The following AFAP1 variants were observed in gnomAD, a reference collection of about 807,000 sequenced individuals.
AFAP1 encodes actin filament associated protein 1.
Under a neutral mutation model 93.9 loss-of-function variants are expected in AFAP1, and 75 were observed. The observed-to-expected ratio is 0.80, with a 90% CI of 0.66 to 0.97. AFAP1 has a LOEUF of 0.97. AFAP1 is among the 50% of genes least tolerant of loss of function. The pLI, the probability that AFAP1 is intolerant of heterozygous loss-of-function variation, is 0.00. For synonymous variants in AFAP1, 517 were observed against 430.7 expected (o/e 1.20, Z -2.48); for missense variants, 1,201 against 1,050.8 (o/e 1.14, Z -1.98).
At chr4:7,878,047 T>C (rs1332748875) in intron 1 of AFAP1, among the ~76,000 whole-genome samples, 1 of 152,164 alleles carries the variant, frequency 6.6e-6, no homozygotes, top group African/African-American at 2.4e-5. Flanking sequence ...GGGCATGGCG[T>C]ACCAAAATCT....
chr4:7,864,258 C>T (rs140158495), intron 3 of AFAP1, among the ~76,000 whole-genome samples: 1 of 152,150 alleles, frequency 6.6e-6, no homozygotes, highest in South Asian at 2.1e-4. Context: ...GGCAGAGCTA[C>T]CTGCAACGCT....
At chr4:7,891,074 A>T (rs996676068) in intron 1 of AFAP1, among the ~76,000 whole-genome samples, 1 of 152,252 alleles carries the variant, frequency 6.6e-6, no homozygotes, top group Non-Finnish European at 1.5e-5. Flanking sequence ...TTTCAGCAAG[A>T]AAAATAAATT....
rs866108617 is a variant in AFAP1 at position 7,854,305 on chromosome 4, G to A, written c.334+1161C>T. Reference sequence around the variant, plus strand: ...CTTTTCTCATCCAGAGCACAACTAAGTATTGACATTTGGCCCAGTCTGTGC... The same window carrying A: ...CTTTTCTCATCCAGAGCACAACTAAATATTGACATTTGGCCCAGTCTGTGC... On this transcript the variant is annotated intron_variant, in intron 4 of 17. Transcript: ENST00000420658. 2.6e-4 allele frequency among the ~76,000 whole-genome samples: 40 copies of A among 152,036 alleles called. No individual in the cohort carries two copies. In the Middle Eastern group the frequency reaches 0.01, roughly 39 times the overall value.
At chr4:7,908,896 G>C (rs2149223969) in intron 1 of AFAP1, among the ~76,000 whole-genome samples, 1 of 150,154 alleles carries the variant, frequency 6.7e-6, no homozygotes, top group South Asian at 2.2e-4. Context: ...GGTGCACATA[G>C]CCACGTGCTT....
chr4:7,843,399 G>C, intron 4 of AFAP1, 49 bp from the exon 5 acceptor site: 1 of 1,517,264 alleles, frequency 6.6e-7, no homozygotes, highest in Non-Finnish European at 8.9e-7. Context: ...TTACCTTGAA[G>C]TTTACCCGTG....
At chr4:7,829,474 C>T (rs1020109336) in intron 6 of AFAP1, among the ~76,000 whole-genome samples, 2 of 152,190 alleles carry the variant, frequency 1.3e-5, no homozygotes, top group Non-Finnish European at 2.9e-5. Context: ...TAGTTATTAC[C>T]AAACCTGGCT....
At chr4:7,764,658 G>A (rs961881593) in intron 17 of AFAP1, among the ~76,000 whole-genome samples, 7 of 152,236 alleles carry the variant, frequency 4.6e-5, no homozygotes, top group African/African-American at 1.7e-4. Context: ...CACAGGCCCT[G>A]AGTGCTGGCT....
intron 4 of AFAP1, among the ~76,000 whole-genome samples, chr4:7,847,622 A>G (rs1025630998): frequency 3.9e-5 from 6 of 152,212 alleles, no homozygotes; most frequent in Admixed American, 3.3e-4. Context: ...CACCGTCTGG[A>G]GGCCTGGGGT....
At chr4:7,918,795 A>G (rs1227006098) in intron 1 of AFAP1, among the ~76,000 whole-genome samples, 1 of 126,040 alleles carries the variant, frequency 7.9e-6, no homozygotes, top group African/African-American at 3.5e-5. Flanking sequence ...TCACCAGGAA[A>G]CAGGGCTGTT....
At chr4:7,837,487 G>A (rs1250130942) in intron 6 of AFAP1, among the ~76,000 whole-genome samples, 3 of 152,106 alleles carry the variant, frequency 2.0e-5, no homozygotes, top group African/African-American at 7.2e-5. Context: ...TGAATAGAAC[G>A]GTCCCTTGAT....
At chr4:7,850,025 C>T (rs1480391841) in intron 4 of AFAP1, among the ~76,000 whole-genome samples, 1 of 152,026 alleles carries the variant, frequency 6.6e-6, no homozygotes, top group African/African-American at 2.4e-5. Context: ...AGCCCTCAGA[C>T]GAACTTTGGC....
intron 1 of AFAP1, among the ~76,000 whole-genome samples, chr4:7,913,171 T>C (rs998095087): frequency 3.9e-5 from 6 of 152,142 alleles, no homozygotes; most frequent in African/African-American, 1.2e-4. Context: ...GGAGAATCAC[T>C]TGAACCCAGG....
Position 7,772,656 on chromosome 4 carries a change from G to A in AFAP1, c.2253+164C>T, listed in dbSNP as rs147146897. The A allele has an allele frequency of 3.9e-4, 246 of 632,882 alleles. 1 individual carries two copies. The African/African-American group carries it at 3.9e-3, about 10-fold the overall frequency. The allele number at this position is 632,882 out of a possible 1,614,324, so 39.2% of individuals were successfully genotyped here. ...GCATGTCAGGAACACAGGCCCGGCC[G>A]ATGAAAGTGTCTGATGCTAACACAT... is the stretch of plus-strand genomic sequence containing the variant. On this transcript the variant is annotated intron_variant, in intron 16 of 17. Transcript: ENST00000420658.
chr4:7,812,620 G>A (rs1175941945), intron 8 of AFAP1, among the ~76,000 whole-genome samples: 2 of 152,154 alleles, frequency 1.3e-5, no homozygotes, highest in Non-Finnish European at 2.9e-5. Flanking sequence ...GCCCCCTGCA[G>A]CTAGAGGGTA....
intron 1 of AFAP1, among the ~76,000 whole-genome samples, chr4:7,927,401 A>G (rs1007472391): frequency 2.0e-5 from 3 of 152,234 alleles, no homozygotes; most frequent in African/African-American, 7.2e-5. Flanking sequence ...TTCGCTGTAA[A>G]AGGATCACAA....
chr4:7,768,379 G>A (rs1021752150), intron 17 of AFAP1, among the ~76,000 whole-genome samples: 8 of 152,224 alleles, frequency 5.3e-5, no homozygotes, highest in African/African-American at 1.4e-4. Flanking sequence ...AGGTTCCTCC[G>A]AGGCCCTCAG....
At chr4:7,833,650 G>A (rs1335312381) in intron 6 of AFAP1, among the ~76,000 whole-genome samples, 1 of 149,450 alleles carries the variant, frequency 6.7e-6, no homozygotes, top group African/African-American at 2.5e-5. Flanking sequence ...GTGCAGTGGT[G>A]CAATCTTGGC....
chr4:7,891,633 T>C (rs1718477485), intron 1 of AFAP1, among the ~76,000 whole-genome samples: 1 of 149,884 alleles, frequency 6.7e-6, no homozygotes, highest in Admixed American at 6.7e-5. Flanking sequence ...TTCATTATCA[T>C]AAAGCTGTGT....
chr4:7,860,429 G>C (rs529640120), intron 3 of AFAP1, among the ~76,000 whole-genome samples: 1 of 152,098 alleles, frequency 6.6e-6, no homozygotes, highest in Non-Finnish European at 1.5e-5. Context: ...ATGTTCATTG[G>C]ACCATTTCCA....
Sources: gnomAD v4.1 joint callset for allele counts (sites outside exome capture counted in the v4.1 genomes callset) on GRCh38, gnomAD v4.1.1 for gene constraint, MANE v1.5 for transcripts, NCBI Gene and HGNC (gene_info 2026-07-23, HGNC 2026-07-21) for gene names.